The following WWC1 variants were observed in gnomAD, a reference collection of about 807,000 sequenced individuals.
WWC1 encodes protein KIBRA.
In WWC1, 55 loss-of-function variants were observed where a neutral mutation model predicts 138.4. That is an observed-to-expected ratio of 0.40 (90% CI 0.32 to 0.50). The LOEUF (loss-of-function observed/expected upper bound fraction) is 0.50, where lower values mean the gene tolerates loss of function less well. WWC1 is among the 20% of genes least tolerant of loss of function. WWC1 has a pLI of 0.72. For missense variants in WWC1, 1,226 were observed against 1,420.4 expected (o/e 0.86, Z 2.20); for synonymous variants, 524 against 564.9 (o/e 0.93, Z 1.03).
intron 3 of WWC1, among the ~76,000 whole-genome samples, chr5:168,391,760 C>CATATATATATATATAT (rs70976481): frequency 4.5e-5 from 5 of 110,560 alleles, no homozygotes; most frequent in Non-Finnish European, 5.4e-5. Flanking sequence ...ATTTTTAAGG[C>CATATATATATATATAT]ATATATATAT....
chr5:168,337,899 G>C (rs1773632275), intron 1 of WWC1, among the ~76,000 whole-genome samples: 1 of 152,180 alleles, frequency 6.6e-6, no homozygotes, highest in South Asian at 2.1e-4. Flanking sequence ...ATGGGTCACA[G>C]TGTGCTAGGG....
At chr5:168,436,102 G>A (rs1294103665) in intron 15 of WWC1, among the ~76,000 whole-genome samples, 4 of 152,000 alleles carry the variant, frequency 2.6e-5, no homozygotes, top group South Asian at 2.1e-4. Flanking sequence ...CTTTTCCTCC[G>A]AAAGTGGTGG....
At chr5:168,295,088 G>A (rs1455701181) in intron 1 of WWC1, among the ~76,000 whole-genome samples, 2 of 152,130 alleles carry the variant, frequency 1.3e-5, no homozygotes, top group African/African-American at 2.4e-5. Context: ...AGTGCTAATT[G>A]GAGGATAGCC....
intron 22 of WWC1, 32 bp downstream of exon 22, chr5:168,467,996 C>T: frequency 6.2e-7 from 1 of 1,612,760 alleles, no homozygotes; most frequent in African/African-American, 1.3e-5. Context: ...CCCCCCATCC[C>T]TTTCTCAGCC....
chr5:168,333,230 T>G (rs1773185841), intron 1 of WWC1, among the ~76,000 whole-genome samples: 1 of 152,004 alleles, frequency 6.6e-6, no homozygotes, highest in Non-Finnish European at 1.5e-5. Flanking sequence ...ACTAACCAAT[T>G]GACTATCTCC....
chr5:168,397,204 G>A (rs1049214231), intron 3 of WWC1, among the ~76,000 whole-genome samples: 22 of 151,044 alleles, frequency 1.5e-4, no homozygotes, highest in Admixed American at 1.5e-3. Context: ...ATGTGATGGC[G>A]CGATTTCGGC....
intron 21 of WWC1, among the ~76,000 whole-genome samples, chr5:168,465,777 C>T (rs1002515902): frequency 3.3e-5 from 5 of 152,014 alleles, no homozygotes; most frequent in Middle Eastern, 3.4e-3. Context: ...AGGCTGGTCT[C>T]GAACTCCTGG....
At chr5:168,316,566 T>C (rs936758492) in intron 1 of WWC1, 5 of 152,214 alleles carry the variant, frequency 3.3e-5, no homozygotes, top group African/African-American at 9.6e-5. Context: ...GAGGTCCAGG[T>C]GAGGGCAGCC....
At chr5:168,341,485 G>A (rs1488572451) in intron 1 of WWC1, among the ~76,000 whole-genome samples, 1 of 152,068 alleles carries the variant, frequency 6.6e-6, no homozygotes, top group Non-Finnish European at 1.5e-5. Context: ...CCAGCCCCAG[G>A]CAGGAACACA....
At chr5:168,307,744 A>G (rs1254499866) in intron 1 of WWC1, among the ~76,000 whole-genome samples, 3 of 151,896 alleles carry the variant, frequency 2.0e-5, no homozygotes, top group South Asian at 2.1e-4. Context: ...AGCTGGGACT[A>G]CAGGTGCCTG....
intron 1 of WWC1, among the ~76,000 whole-genome samples, chr5:168,338,086 A>G (rs1444566114): frequency 1.3e-5 from 2 of 152,048 alleles, no homozygotes; most frequent in Non-Finnish European, 2.9e-5. Context: ...CAAGGTGGGC[A>G]GATCACCTGA....
chr5:168,293,509 A>G (rs1769257493), intron 1 of WWC1, among the ~76,000 whole-genome samples: 1 of 152,182 alleles, frequency 6.6e-6, no homozygotes, highest in Non-Finnish European at 1.5e-5. Context: ...TCATTCATTC[A>G]TTCATTCGTT....
chr5:168,309,551 C>T (rs1248352947), intron 1 of WWC1, among the ~76,000 whole-genome samples: 2 of 152,166 alleles, frequency 1.3e-5, no homozygotes, highest in Non-Finnish European at 2.9e-5. Flanking sequence ...TCCATTCCTT[C>T]TTCCTTCATC....
chr5:168,309,890 C>G (rs1456529071), intron 1 of WWC1, among the ~76,000 whole-genome samples: 1 of 152,194 alleles, frequency 6.6e-6, no homozygotes, highest in African/African-American at 2.4e-5. Flanking sequence ...ATTTCTGTGT[C>G]TAGACAAGCA....
intron 1 of WWC1, among the ~76,000 whole-genome samples, chr5:168,338,752 C>A (rs1205592836): frequency 1.3e-5 from 2 of 152,122 alleles, no homozygotes; most frequent in Non-Finnish European, 1.5e-5. Flanking sequence ...TTGAACACTG[C>A]ATGTTCTCAC....
chr5:168,310,404 G>A (rs1770964221), intron 1 of WWC1, among the ~76,000 whole-genome samples: 5 of 148,626 alleles, frequency 3.4e-5, no homozygotes, highest in East Asian at 2.0e-4. Flanking sequence ...TTGTGTGTGT[G>A]TATATATATA....
At chr5:168,452,000 G>GTCC in intron 17 of WWC1, among the ~76,000 whole-genome samples, 1 of 145,902 alleles carries the variant, frequency 6.9e-6, no homozygotes, top group Middle Eastern at 3.6e-3. Context: ...CCACCTCTTG[G>GTCC]GTTCAAGCAA....
intron 1 of WWC1, among the ~76,000 whole-genome samples, chr5:168,370,200 C>T (rs1480181935): frequency 2.6e-5 from 4 of 152,102 alleles, no homozygotes; most frequent in Non-Finnish European, 4.4e-5. Context: ...CGCTGGGCCC[C>T]GTTGCACAAA....
intron 1 of WWC1, among the ~76,000 whole-genome samples, chr5:168,311,905 C>T (rs533917054): frequency 3.3e-5 from 5 of 151,124 alleles, no homozygotes; most frequent in East Asian, 1.9e-4. Flanking sequence ...AAAAATTAGC[C>T]GGGCATGGTG....
Sources: allele counts gnomAD v4.1 joint callset (sites outside exome capture counted in the v4.1 genomes callset), GRCh38; gene constraint gnomAD v4.1.1; transcripts MANE v1.5; gene names NCBI Gene and HGNC (gene_info 2026-07-23, HGNC 2026-07-21).